The following NOMO2 variants were observed in gnomAD, a reference collection of about 807,000 sequenced individuals.
NOMO2 encodes NODAL modulator 2, also known as BOS complex subunit NOMO2.
Under a neutral mutation model 67.1 loss-of-function variants are expected in NOMO2, and 14 were observed. That is an observed-to-expected ratio of 0.21 (90% CI 0.14 to 0.33). The LOEUF (loss-of-function observed/expected upper bound fraction) is 0.33, where lower values mean the gene tolerates loss of function less well. NOMO2 is among the 10% of genes least tolerant of loss of function. The pLI is 1.00. For missense variants in NOMO2, 178 were observed against 761.0 expected (o/e 0.23, Z 9.01); for synonymous variants, 80 against 305.9 (o/e 0.26, Z 7.71).
intron 11 of NOMO2, among the ~76,000 whole-genome samples, chr16:18,535,853 A>G (rs1297595755): frequency 3.3e-5 from 5 of 151,768 alleles, no homozygotes; most frequent in Admixed American, 1.3e-4. Context: ...CTGGAGTGCA[A>G]TGGTGCAATC....
intron 1 of NOMO2, 140 bp from the exon 2 acceptor site, chr16:18,557,931 G>A (rs1223382815): frequency 4.2e-6 from 6 of 1,421,652 alleles, no homozygotes; most frequent in Non-Finnish European, 5.8e-6. Context: ...GGCATTACTG[G>A]GGACAGAGGG....
At chr16:18,561,188 A>C (rs1158477606) in intron 1 of NOMO2, among the ~76,000 whole-genome samples, 2 of 137,022 alleles carry the variant, frequency 1.5e-5, no homozygotes, top group East Asian at 2.3e-4. Context: ...AAAAAAAAAA[A>C]AAAAAAAAAA....
intron 1 of NOMO2, among the ~76,000 whole-genome samples, chr16:18,561,173 TAAAAAAAAAAAAAAAAAAAAA>T (rs756246897): frequency 1.2e-4 from 4 of 32,452 alleles, no homozygotes; most frequent in Non-Finnish European, 2.1e-4. Flanking sequence ...ACAACTTAAT[TAAAAAAAAAAAAAAAAAAAAA>T]AAAAAAAAAA....
In NOMO2 at chr16:18,543,566, C is replaced by T. The variant is rs1596854997; in HGVS notation, c.735+51G>A. On this transcript the variant is annotated intron_variant, in intron 7 of 30. Transcript: ENST00000622306. ...AAACAGTATGTTCTGGTCTATAATC[C>T]CCCACCCTCCTACCCTTCACACCAT... The T allele has an allele frequency of 1.8e-5, 29 of 1,609,596 alleles. No homozygotes were observed. In the East Asian group the frequency reaches 5.1e-4, roughly 28 times the overall value.
At chr16:18,526,493 G>A (rs975090010) in intron 16 of NOMO2, among the ~76,000 whole-genome samples, 27 of 151,844 alleles carry the variant, frequency 1.8e-4, no homozygotes, top group Admixed American at 1.4e-3. Context: ...TCATAACAGC[G>A]TCAAACTGGA....
intron 9 of NOMO2, among the ~76,000 whole-genome samples, chr16:18,539,587 T>C (rs1157521141): frequency 6.6e-6 from 1 of 151,940 alleles, no homozygotes; most frequent in Non-Finnish European, 1.5e-5. Flanking sequence ...TGAAGCCCTG[T>C]CTCCACTAAA....
chr16:18,544,614 C>CT, intron 6 of NOMO2, among the ~76,000 whole-genome samples: 1 of 152,074 alleles, frequency 6.6e-6, no homozygotes, highest in Middle Eastern at 3.4e-3. Flanking sequence ...CTGTCCGTCA[C>CT]TTTCTTTTTC....
intron 6 of NOMO2, among the ~76,000 whole-genome samples, chr16:18,546,278 C>CA (rs71388802): frequency 0.042 from 747 of 17,886 alleles, 53 homozygotes; most frequent in Non-Finnish European, 0.059. Flanking sequence ...GACCCTGTTG[C>CA]AAAAAAAAAA....
At chr16:18,527,199 G>A (rs1408189103) in intron 16 of NOMO2, among the ~76,000 whole-genome samples, 2 of 132,954 alleles carry the variant, frequency 1.5e-5, no homozygotes, top group Non-Finnish European at 3.3e-5. Flanking sequence ...CTGGGTGACA[G>A]AGCAAGACTC....
intron 3 of NOMO2, among the ~76,000 whole-genome samples, chr16:18,552,414 CATGAG>C (rs1901807322): frequency 9.9e-6 from 1 of 100,738 alleles, no homozygotes; most frequent in Admixed American, 1.2e-4. Context: ...AATGGAAAAC[CATGAG>C]ATGAGATTTT....
intron 12 of NOMO2, 144 bp from the exon 13 acceptor site, chr16:18,531,751 A>G: frequency 6.7e-7 from 1 of 1,493,602 alleles, no homozygotes; most frequent in Non-Finnish European, 9.0e-7. Flanking sequence ...TTTTACAATC[A>G]CAACAAATCC....
At chr16:18,559,467 T>C (rs1236699648) in intron 1 of NOMO2, among the ~76,000 whole-genome samples, 2 of 151,954 alleles carry the variant, frequency 1.3e-5, no homozygotes, top group Non-Finnish European at 2.9e-5. Flanking sequence ...GCTAAGAAGA[T>C]GTACAAAGTG....
At chr16:18,527,673 C>T (rs1273200463) in intron 15 of NOMO2, 49 bp from the exon 16 acceptor site, 2 of 652,700 alleles carry the variant, frequency 3.1e-6, no homozygotes, top group Non-Finnish European at 5.6e-6. Flanking sequence ...GATGGAGACA[C>T]CAAGATGATT....
intron 6 of NOMO2, among the ~76,000 whole-genome samples, chr16:18,544,723 A>G (rs1426093433): frequency 6.6e-6 from 1 of 151,988 alleles, no homozygotes; most frequent in African/African-American, 2.4e-5. Flanking sequence ...TCTATGCTCA[A>G]TTAAACTCTG....
At chr16:18,559,492 C>T (rs1275535097) in intron 1 of NOMO2, among the ~76,000 whole-genome samples, 3 of 151,956 alleles carry the variant, frequency 2.0e-5, no homozygotes, top group South Asian at 2.1e-4. Flanking sequence ...ACTCATAAAA[C>T]GAACATTTGA....
chr16:18,534,312 G>T (rs1414083925), intron 11 of NOMO2, among the ~76,000 whole-genome samples: 1 of 150,126 alleles, frequency 6.7e-6, no homozygotes, highest in Non-Finnish European at 1.5e-5. Flanking sequence ...CCGAGAAAAA[G>T]AATTTTACAC....
At chr16:18,551,821 T>C (rs960449832) in intron 3 of NOMO2, among the ~76,000 whole-genome samples, 2 of 151,906 alleles carry the variant, frequency 1.3e-5, no homozygotes, top group African/African-American at 2.4e-5. Context: ...AGCTAAGTTA[T>C]ATCTCAGAGT....
chr16:18,546,278 C>CAA (rs71388802), intron 6 of NOMO2, among the ~76,000 whole-genome samples: 4 of 17,908 alleles, frequency 2.2e-4, no homozygotes, highest in Non-Finnish European at 3.3e-4. Context: ...GACCCTGTTG[C>CAA]AAAAAAAAAA....
rs760088512 is a variant in NOMO2, at chr16:18,561,900, C to A, written c.141G>T (p.Val47=). The A allele has an allele frequency of 3.8e-6, 6 of 1,570,764 alleles. No individual in the cohort carries two copies. The highest frequency in any genetic ancestry group is 5.2e-6 in the Non-Finnish European group (6 of 1,160,528). The change falls in exon 1 of 31, where the codon GTG becomes GTT. Residue 47 remains valine (V), a synonymous_variant. Transcript: ENST00000622306. ...VGCGGFVKSD[V]EINYSLIEIK... ...CCTCGATGAGCGAGTAGTTGATCTC[C>A]ACGTCCGACTTGACGAAGCCACCGC...
Sources: gnomAD v4.1 joint callset for allele counts (sites outside exome capture counted in the v4.1 genomes callset) on GRCh38, gnomAD v4.1.1 for gene constraint, MANE v1.5 for transcripts, NCBI Gene and HGNC (gene_info 2026-07-23, HGNC 2026-07-21) for gene names.